Variants in UNC5D observed in about 807,000 individuals in gnomAD.
UNC5D encodes the protein netrin receptor UNC5D.
In UNC5D, 39 loss-of-function variants were observed where a neutral mutation model predicts 105.4. That is an observed-to-expected ratio of 0.37 (90% CI 0.29 to 0.48). The LOEUF is 0.48. Ranked by LOEUF, UNC5D falls within the 20% of genes least tolerant of loss-of-function variation. UNC5D has a pLI of 0.98. For missense variants in UNC5D, 991 were observed against 1,202.4 expected, an observed-to-expected ratio of 0.82 and a Z score of 2.60; for synonymous variants, 452 against 450.4, an observed-to-expected ratio of 1.00 and a Z score of -0.04.
At chr8:35,574,262 A>G (rs1352307715) in intron 3 of UNC5D, among the ~76,000 whole-genome samples, 3 of 152,176 alleles carry the variant, frequency 2.0e-5, no homozygotes, top group Admixed American at 6.5e-5. Context: ...TTTCTCCCAT[A>G]TGACTGTTGG....
At chr8:35,339,811 T>A (rs1187598492) in intron 1 of UNC5D, among the ~76,000 whole-genome samples, 1 of 152,140 alleles carries the variant, frequency 6.6e-6, no homozygotes, top group African/African-American at 2.4e-5. Flanking sequence ...TAAAGCACCA[T>A]CTTGAGTCAG....
chr8:35,395,651 C>G (rs1037781717), intron 1 of UNC5D, among the ~76,000 whole-genome samples: 1 of 152,214 alleles, frequency 6.6e-6, no homozygotes, highest in Non-Finnish European at 1.5e-5. Context: ...GAACTCACTT[C>G]TCTGTGTTTA....
chr8:35,569,862 T>A (rs1468115494), intron 3 of UNC5D, among the ~76,000 whole-genome samples: 1 of 152,134 alleles, frequency 6.6e-6, no homozygotes, highest in Non-Finnish European at 1.5e-5. Flanking sequence ...ATAGACCCCC[T>A]CAATTTTTTT....
chr8:35,487,632 G>T (rs958201397), intron 1 of UNC5D, among the ~76,000 whole-genome samples: 1 of 151,222 alleles, frequency 6.6e-6, no homozygotes, highest in Non-Finnish European at 1.5e-5. Context: ...GGAGAATCCT[G>T]CTCATACAGA....
intron 10 of UNC5D, chr8:35,727,358 T>C (rs1185501967): frequency 6.6e-6 from 1 of 152,186 alleles, no homozygotes; most frequent in Non-Finnish European, 1.5e-5. Flanking sequence ...GTTGGATCTG[T>C]AAGTGTTTAT....
At chr8:35,315,377 G>C (rs1320680995) in intron 1 of UNC5D, among the ~76,000 whole-genome samples, 1 of 152,126 alleles carries the variant, frequency 6.6e-6, no homozygotes, top group Non-Finnish European at 1.5e-5. Flanking sequence ...GTTCATCTGG[G>C]ATGGCCTCAT....
At chr8:35,528,037 TG>T (rs1431014760) in intron 1 of UNC5D, among the ~76,000 whole-genome samples, 3 of 130,174 alleles carry the variant, frequency 2.3e-5, no homozygotes, top group South Asian at 2.6e-4. Context: ...TAGAAACAGC[TG>T]GTTTTTTTTT....
chr8:35,412,934 C>T (rs1805269011), intron 1 of UNC5D, among the ~76,000 whole-genome samples: 1 of 152,090 alleles, frequency 6.6e-6, no homozygotes, highest in South Asian at 2.1e-4. Flanking sequence ...GCATGTAGGT[C>T]TACAGAGGGA....
intron 1 of UNC5D, among the ~76,000 whole-genome samples, chr8:35,282,553 C>G (rs1038256913): frequency 6.6e-6 from 1 of 151,978 alleles, no homozygotes; most frequent in African/African-American, 2.4e-5. Context: ...ATGACTTTGC[C>G]TAAACAACTT....
At chr8:35,322,444 T>C (rs773524992) in intron 1 of UNC5D, among the ~76,000 whole-genome samples, 33 of 152,152 alleles carry the variant, frequency 2.2e-4, no homozygotes, top group Non-Finnish European at 4.6e-4. Flanking sequence ...AACTCACCTT[T>C]TTAGCTTCAT....
chr8:35,629,344 T>C (rs183558595), intron 4 of UNC5D, among the ~76,000 whole-genome samples: 1 of 152,390 alleles, frequency 6.6e-6, no homozygotes, highest in East Asian at 1.9e-4. Context: ...GTATTTCTTC[T>C]TTTGAGAAAT....
intron 7 of UNC5D, among the ~76,000 whole-genome samples, chr8:35,702,894 C>CA (rs1360709018): frequency 6.6e-6 from 1 of 152,090 alleles, no homozygotes; most frequent in Non-Finnish European, 1.5e-5. Context: ...TGGAACTTAG[C>CA]ATAACAAGTC....
At chr8:35,295,851 G>C (rs1807444923) in intron 1 of UNC5D, among the ~76,000 whole-genome samples, 1 of 152,108 alleles carries the variant, frequency 6.6e-6, no homozygotes, top group African/African-American at 2.4e-5. Flanking sequence ...CTCAGCCTCT[G>C]ACAATCACCA....
rs1804066347 is a variant in UNC5D at position 35,256,249 on chromosome 8, G to A, written c.103+20362G>A. On this transcript the variant is annotated intron_variant, in intron 1 of 16. Coordinates refer to ENST00000404895, the MANE Select transcript of UNC5D (RefSeq NM_080872.4). ...GTTTGGGACATTTTAGTCACTGAAG[G>A]AATAATAGATGAGTGGATGAATAGG... The A allele has an allele frequency of 2.0e-5, 3 of 152,128 alleles. No individual in the cohort carries two copies. In the South Asian group the frequency reaches 6.2e-4, roughly 32 times the overall value. The allele number at this position is 152,128 out of a possible 1,614,324, so 9.4% of individuals were successfully genotyped here.
chr8:35,543,356 TA>T (rs1815405911), intron 1 of UNC5D, among the ~76,000 whole-genome samples: 1 of 152,230 alleles, frequency 6.6e-6, no homozygotes, highest in African/African-American at 2.4e-5. Context: ...CAAATTCACT[TA>T]AACAATAATC....
At chr8:35,514,167 A>T (rs1812962697) in intron 1 of UNC5D, among the ~76,000 whole-genome samples, 1 of 152,196 alleles carries the variant, frequency 6.6e-6, no homozygotes, top group South Asian at 2.1e-4. Context: ...CAGCCACGTG[A>T]ATACTTGACA....
chr8:35,581,894 C>T (rs992493281), intron 3 of UNC5D, among the ~76,000 whole-genome samples: 4 of 152,160 alleles, frequency 2.6e-5, no homozygotes, highest in Non-Finnish European at 4.4e-5. Flanking sequence ...TTCCTTCATT[C>T]ACATCCTGTT....
intron 1 of UNC5D, among the ~76,000 whole-genome samples, chr8:35,545,749 C>T (rs982421122): frequency 1.3e-5 from 2 of 152,092 alleles, no homozygotes; most frequent in African/African-American, 4.8e-5. Flanking sequence ...AATCCCTCAC[C>T]TTCCCACTGC....
intron 1 of UNC5D, among the ~76,000 whole-genome samples, chr8:35,434,360 A>G (rs1388807044): frequency 3.9e-5 from 6 of 152,138 alleles, no homozygotes; most frequent in African/African-American, 4.8e-5. Flanking sequence ...GAGTTCCTCC[A>G]AAGTGAGAAT....
Sources: allele counts gnomAD v4.1 joint callset (sites outside exome capture counted in the v4.1 genomes callset), GRCh38; gene constraint gnomAD v4.1.1; transcripts MANE v1.5; gene names NCBI Gene and HGNC (gene_info 2026-07-23, HGNC 2026-07-21).